ABI3BP: variants seen among roughly 807,000 people sequenced by gnomAD.
ABI3BP encodes the protein target of Nesh-SH3.
Under a neutral mutation model 268.6 loss-of-function variants are expected in ABI3BP, and 216 were observed. That is an observed-to-expected ratio of 0.80 (90% CI 0.72 to 0.90). The LOEUF (loss-of-function observed/expected upper bound fraction) is 0.90. Among genes scored for constraint, ABI3BP ranks in the 40% least tolerant of loss-of-function variants. The pLI, the probability that ABI3BP is intolerant of heterozygous loss-of-function variation, is 0.00. For missense variants in ABI3BP, 2,090 were observed against 2,182.4 expected, an observed-to-expected ratio of 0.96 and a Z score of 0.84; for synonymous variants, 730 against 730.0, an observed-to-expected ratio of 1.00 and a Z score of 0.00.
chr3:100,847,561 G>T, intron 19 of ABI3BP, 41 bp downstream of exon 19: 2 of 1,526,260 alleles, frequency 1.3e-6, no homozygotes, highest in Non-Finnish European at 9.1e-7. Flanking sequence ...TTTCCATGGT[G>T]AAATGAAGCA....
Position 100,765,867 on chromosome 3 carries a change from T to C in ABI3BP, c.4824A>G (p.Thr1608=). 1 of 1,611,414 alleles carries C rather than the reference T, an allele frequency of 6.2e-7. No homozygotes were observed. The highest frequency in any genetic ancestry group is 8.5e-7 in the Non-Finnish European group (1 of 1,178,594). ...SIQMTNQTFS[T]VENLKPNTSY... ...TCGTGTTTGGTTTCAGATTTTCTAC[T>C]GTGGAAAATGTCTGATTTGTCATTT... is the stretch of plus-strand genomic sequence containing the variant. Residue 1608 remains threonine (T), a synonymous_variant, in exon 63 of 68, where the codon ACA becomes ACG. Transcript: ENST00000471714.
intron 1 of ABI3BP, among the ~76,000 whole-genome samples, chr3:100,949,434 G>A (rs1446903682): frequency 2.6e-5 from 4 of 151,996 alleles, no homozygotes; most frequent in Admixed American, 2.0e-4. Flanking sequence ...TGTTGTTGTC[G>A]TTGTTATTTT....
chr3:100,820,740 G>T (rs1255406731), intron 39 of ABI3BP, among the ~76,000 whole-genome samples: 1 of 152,130 alleles, frequency 6.6e-6, no homozygotes, highest in Non-Finnish European at 1.5e-5. Flanking sequence ...AATCATGTTA[G>T]AATCAAGAAA....
At position 100,839,656 on chromosome 3, in the gene ABI3BP, A is replaced by G. The variant is rs973857754; in HGVS notation, c.1898-40T>C. On this transcript the variant is annotated intron_variant, in intron 23 of 67. Coordinates refer to ENST00000471714, the MANE Select transcript of ABI3BP (RefSeq NM_001375547.2). The stretch of plus-strand genomic sequence containing the variant: ...ACCAAAAACATGAAATATTTCAAGA[A>G]GTGGCATCGTGAGGAGGGAGACATT... The G allele has an allele frequency of 2.6e-6, 4 of 1,532,678 alleles. No individual in the cohort carries two copies. The African/African-American group carries it at 5.5e-5, about 21-fold the overall frequency. 94.9% of individuals were successfully genotyped at this position (1,532,678 alleles called of 1,614,324 possible).
Position 100,765,947 on chromosome 3 carries a change from A to G in ABI3BP, c.4744T>C (p.Tyr1582His). The G allele has an allele frequency of 1.2e-6, 2 of 1,605,200 alleles. No individual in the cohort carries two copies. Among genetic ancestry groups the G allele is most frequent in the Non-Finnish European group, 1.7e-6 (2 of 1,173,504 alleles). Residue 1582 changes from tyrosine (Y) to histidine (H), a missense_variant and splice_region_variant, in exon 63 of 68, where the codon TAT becomes CAT. By Grantham distance (83) the Tyr-to-His change is moderately conservative. Coordinates refer to ENST00000471714, the MANE Select transcript of ABI3BP (RefSeq NM_001375547.2). ...CCATTTTCTCTGGATATAACTTCAT[A>G]TTCTGTAAAGCGAAAGAAGCCAACA... is the stretch of plus-strand genomic sequence containing the variant. ...EKPLNDTVTE[Y>H]EVISRENGSF...
intron 1 of ABI3BP, among the ~76,000 whole-genome samples, chr3:100,986,955 C>A (rs2091937431): frequency 6.6e-6 from 1 of 151,660 alleles, no homozygotes; most frequent in Non-Finnish European, 1.5e-5. Flanking sequence ...TTAGCTGATA[C>A]TATTTATTTT....
intron 27 of ABI3BP, among the ~76,000 whole-genome samples, 182 bp from the exon 28 acceptor site, chr3:100,835,842 T>A (rs2152859426): frequency 6.6e-6 from 1 of 152,284 alleles, no homozygotes. Flanking sequence ...AAAATACCCA[T>A]ACCCTTTGCA....
chr3:100,879,423 G>A (rs7630802), intron 6 of ABI3BP, among the ~76,000 whole-genome samples: 12,632 of 152,158 alleles, frequency 0.083, 1,038 homozygotes, highest in East Asian at 0.27. Flanking sequence ...TGTACTTAGC[G>A]CACGTTTTGT....
intron 1 of ABI3BP, among the ~76,000 whole-genome samples, chr3:100,978,052 C>T (rs750596426): frequency 2.6e-5 from 4 of 152,094 alleles, no homozygotes; most frequent in Non-Finnish European, 5.9e-5. Context: ...GCTCAATATC[C>T]AAAGACCAAC....
chr3:100,850,831 A>C, intron 15 of ABI3BP, 97 bp from the exon 16 acceptor site: 2 of 880,106 alleles, frequency 2.3e-6, no homozygotes, highest in Non-Finnish European at 3.7e-6. Flanking sequence ...TATGAGGAAA[A>C]ATATCAAGAA....
chr3:100,926,553 G>A lies in ABI3BP; in HGVS notation c.80-72C>T, dbSNP rs2061855620. Reference sequence around the variant, plus strand: ...AGCATCCTACCCAACTTCCCAGCAAGTGTTGGTGGCTAGAGGCATTGTTCT... The same window carrying A: ...AGCATCCTACCCAACTTCCCAGCAAATGTTGGTGGCTAGAGGCATTGTTCT... On this transcript the variant is annotated intron_variant, in intron 1 of 67. Transcript: ENST00000471714. The A allele has an allele frequency of 4.3e-6, 6 of 1,403,062 alleles. No homozygotes were observed. In the Admixed American group the frequency reaches 9.1e-5, roughly 21 times the overall value. 86.9% of individuals were successfully genotyped at this position (1,403,062 alleles called of 1,614,324 possible).
intron 14 of ABI3BP, among the ~76,000 whole-genome samples, chr3:100,858,085 T>C (rs2098959050): frequency 6.6e-6 from 1 of 152,238 alleles, no homozygotes; most frequent in Non-Finnish European, 1.5e-5. Context: ...GACTGACTTT[T>C]TGTGAAATAT....
At chr3:100,830,225 A>G (rs1482620876) in intron 32 of ABI3BP, among the ~76,000 whole-genome samples, 1 of 146,580 alleles carries the variant, frequency 6.8e-6, no homozygotes, top group Non-Finnish European at 1.5e-5. Context: ...TCACACCGTA[A>G]TAGCTGTGCC....
chr3:100,804,794 G>A lies in ABI3BP; in HGVS notation c.3755C>T (p.Pro1252Leu), dbSNP rs2097654616. 1.2e-6 allele frequency: 2 copies of A among 1,612,632 alleles called. No homozygotes were observed. The highest frequency in any genetic ancestry group is 1.7e-6 in the Non-Finnish European group (2 of 1,178,838). The change falls in exon 51 of 68, where the codon CCT (proline) becomes CTT (leucine). Residue 1252 changes from proline (P) to leucine (L), a missense_variant and splice_region_variant. Coordinates refer to ENST00000471714, the MANE Select transcript of ABI3BP (RefSeq NM_001375547.2). ...TAAACATGAAATAAAGCATTTACCAGGTGTGGTGTATGACACTTCTGGACT... is the reference window on the plus strand; with the variant it reads ...TAAACATGAAATAAAGCATTTACCAAGTGTGGTGTATGACACTTCTGGACT... The part of the protein sequence containing the change: ...SPSPEVSYTT[P>L]APKDVLLPHK...
chr3:100,777,458 TG>T lies in ABI3BP; in HGVS notation c.4333+825del, dbSNP rs570830634. ...CAAATATCCTCTAAGTGCTAAGCAC[TG>T]GATTTGGTTCTGGGAATTCAGAGAA... On this transcript the variant is annotated intron_variant, in intron 59 of 67. Coordinates refer to ENST00000471714, the MANE Select transcript of ABI3BP (RefSeq NM_001375547.2). 6.6e-5 allele frequency among the ~76,000 whole-genome samples: 10 copies of T among 152,290 alleles called. No homozygotes were observed. The East Asian group carries it at 1.9e-3, about 29-fold the overall frequency.
intron 20 of ABI3BP, chr3:100,844,105 G>A (rs1257601276): frequency 2.4e-5 from 24 of 983,178 alleles, no homozygotes; most frequent in Non-Finnish European, 2.8e-5. Context: ...ATAGGTAAAG[G>A]TATAAAATGT....
intron 14 of ABI3BP, among the ~76,000 whole-genome samples, chr3:100,857,693 T>G (rs974253145): frequency 2.6e-5 from 4 of 152,210 alleles, no homozygotes; most frequent in Non-Finnish European, 4.4e-5. Flanking sequence ...TTGGAGTGGT[T>G]TATTGAATAA....
chr3:100,894,750 T>C (rs564568176), intron 4 of ABI3BP, among the ~76,000 whole-genome samples: 47 of 151,686 alleles, frequency 3.1e-4, no homozygotes, highest in South Asian at 1.3e-3. Context: ...ACATCCTGGC[T>C]AACACGGTGA....
rs1271828812 is a variant in ABI3BP at position 100,919,534 on chromosome 3, C to T, written c.259+6768G>A. Among the ~76,000 whole-genome samples, 4 of 152,128 alleles carry T rather than the reference C, an allele frequency of 2.6e-5. No homozygotes were observed. The South Asian group carries it at 8.3e-4, about 32-fold the overall frequency. Reference sequence around the variant, plus strand: ...AATTGCATTAAAATTTATAAGCATACAATTTATACTGACTCATATCTGATC... The same window carrying T: ...AATTGCATTAAAATTTATAAGCATATAATTTATACTGACTCATATCTGATC... On this transcript the variant is annotated intron_variant, in intron 2 of 67. Transcript: ENST00000471714.
Sources: gnomAD v4.1 joint callset for allele counts (sites outside exome capture counted in the v4.1 genomes callset) on GRCh38, gnomAD v4.1.1 for gene constraint, MANE v1.5 for transcripts, NCBI Gene and HGNC (gene_info 2026-07-23, HGNC 2026-07-21) for gene names.